The following SLIT3 variants were observed in gnomAD, a reference collection of about 807,000 sequenced individuals.
The protein encoded by SLIT3 is slit homolog 3 protein.
SLIT3 carries 68 observed loss-of-function variants against 184.0 expected under a neutral mutation model. The ratio of observed to expected loss-of-function variants is 0.37; its 90% CI spans 0.30 to 0.45. The LOEUF is 0.45. Among genes scored for constraint, SLIT3 ranks in the 20% least tolerant of loss-of-function variants. The pLI, the probability that SLIT3 is intolerant of heterozygous loss-of-function variation, is 1.00. For missense variants in SLIT3, 1,707 were observed against 2,026.0 expected (o/e 0.84, Z 3.02); for synonymous variants, 831 against 828.6 (o/e 1.00, Z -0.05).
chr5:169,183,046 G>A (rs960215767), intron 4 of SLIT3, among the ~76,000 whole-genome samples: 5 of 152,140 alleles, frequency 3.3e-5, no homozygotes, highest in Admixed American at 2.6e-4. Flanking sequence ...GAGCGAGGTG[G>A]CAAGAAGCCC....
At chr5:168,765,868 G>A (rs1350105196) in intron 14 of SLIT3, among the ~76,000 whole-genome samples, 1 of 152,046 alleles carries the variant, frequency 6.6e-6, no homozygotes, top group East Asian at 1.9e-4. Flanking sequence ...CTCCCCTTTC[G>A]CGGGCAGCTC....
intron 1 of SLIT3, among the ~76,000 whole-genome samples, chr5:169,283,452 T>C (rs1315248341): frequency 6.6e-6 from 1 of 152,200 alleles, no homozygotes; most frequent in East Asian, 1.9e-4. Flanking sequence ...AAGGATCCAA[T>C]TGACCTGACT....
chr5:168,852,214 G>A (rs1399029421), intron 5 of SLIT3, among the ~76,000 whole-genome samples: 2 of 152,320 alleles, frequency 1.3e-5, no homozygotes, highest in South Asian at 2.1e-4. Context: ...AGGAAGAAGC[G>A]AGAAACTGGG....
intron 4 of SLIT3, among the ~76,000 whole-genome samples, chr5:169,130,781 G>T (rs1761267959): frequency 6.6e-6 from 1 of 152,158 alleles, no homozygotes; most frequent in South Asian, 2.1e-4. Context: ...TCTAGTATAT[G>T]AATATGGAAT....
In SLIT3 at chr5:169,012,969, G is replaced by A. The variant is rs572128881; in HGVS notation, c.414-129633C>T. On this transcript the variant is annotated intron_variant, in intron 4 of 35. Coordinates refer to ENST00000519560, the MANE Select transcript of SLIT3 (RefSeq NM_003062.4). ...CTATCTGCTGTATGAAACACTGACC[G>A]AGTTAAGCAAAATAATGCAGGTTAG... 12 of 152,306 alleles carry A rather than the reference G, an allele frequency of 7.9e-5. No individual in the cohort carries two copies. In the South Asian group the frequency reaches 1.9e-3, roughly 24 times the overall value. 9.4% of individuals were successfully genotyped at this position (152,306 alleles called of 1,614,324 possible). A position where few individuals can be genotyped will look rare whatever the true frequency, so the allele number is the denominator to read the frequency against.
At chr5:168,893,282 T>C (rs1462982367) in intron 4 of SLIT3, among the ~76,000 whole-genome samples, 2 of 152,194 alleles carry the variant, frequency 1.3e-5, no homozygotes, top group Admixed American at 1.3e-4. Context: ...TTTGAAGCTG[T>C]GTGTCTGCCC....
intron 4 of SLIT3, among the ~76,000 whole-genome samples, chr5:169,183,767 G>A (rs1763244335): frequency 6.6e-6 from 1 of 152,166 alleles, no homozygotes; most frequent in Non-Finnish European, 1.5e-5. Context: ...CATTTTGTGG[G>A]ATGTTTCACA....
At chr5:168,694,364 T>C (rs568358666) in intron 28 of SLIT3, among the ~76,000 whole-genome samples, 202 of 152,328 alleles carry the variant, frequency 1.3e-3, no homozygotes, top group Non-Finnish European at 2.4e-3. Context: ...GACTCAACTC[T>C]ATACAGTGAT....
chr5:168,960,159 G>T (rs574211660), intron 4 of SLIT3, among the ~76,000 whole-genome samples: 17 of 152,298 alleles, frequency 1.1e-4, no homozygotes, highest in African/African-American at 4.1e-4. Context: ...CTGTAGGAGG[G>T]CAGGGGCCAT....
intron 4 of SLIT3, among the ~76,000 whole-genome samples, chr5:169,117,761 G>C (rs763254806): frequency 6.6e-6 from 1 of 152,174 alleles, no homozygotes; most frequent in Non-Finnish European, 1.5e-5. Flanking sequence ...TTCTCAAAAG[G>C]AGAACTCTGT....
intron 5 of SLIT3, among the ~76,000 whole-genome samples, chr5:168,851,271 A>C (rs1758667201): frequency 6.7e-6 from 1 of 149,854 alleles, no homozygotes; most frequent in Non-Finnish European, 1.5e-5. Context: ...TGCTGTGAGC[A>C]GAGATCGCAC....
chr5:168,952,550 A>AAAAAAAAAAAAAAAAAAAAAG (rs59047961), intron 4 of SLIT3, among the ~76,000 whole-genome samples: 2 of 128,004 alleles, frequency 1.6e-5, no homozygotes, highest in African/African-American at 7.0e-5. Flanking sequence ...AAAAAAAAAG[A>AAAAAAAAAAAAAAAAAAAAAG]GGGGAGAAGG....
At chr5:168,738,784 A>G (rs1763519891) in intron 20 of SLIT3, among the ~76,000 whole-genome samples, 1 of 152,006 alleles carries the variant, frequency 6.6e-6, no homozygotes, top group Admixed American at 6.6e-5. Context: ...TAAAAATACA[A>G]AAAATTAGCC....
chr5:169,219,214 C>G (rs1324610986), intron 3 of SLIT3, among the ~76,000 whole-genome samples: 1 of 152,116 alleles, frequency 6.6e-6, no homozygotes, highest in Admixed American at 6.5e-5. Flanking sequence ...GACGACTGTC[C>G]CACCTCCAGC....
chr5:169,274,726 T>C (rs1432241351), intron 1 of SLIT3, among the ~76,000 whole-genome samples: 1 of 152,216 alleles, frequency 6.6e-6, no homozygotes, highest in African/African-American at 2.4e-5. Flanking sequence ...ATCTTGACAC[T>C]GGCATCTTCC....
At chr5:169,061,654 C>T (rs896379358) in intron 4 of SLIT3, among the ~76,000 whole-genome samples, 1 of 152,202 alleles carries the variant, frequency 6.6e-6, no homozygotes, top group South Asian at 2.1e-4. Context: ...TCCAGGCTAG[C>T]TTTGTTTCTG....
At chr5:168,970,502 A>AT (rs1162307731) in intron 4 of SLIT3, among the ~76,000 whole-genome samples, 1 of 150,988 alleles carries the variant, frequency 6.6e-6, no homozygotes, top group Non-Finnish European at 1.5e-5. Flanking sequence ...TCTCAAATAA[A>AT]AAAAAAAAAA....
At chr5:168,670,175 A>G (rs574995452) in intron 34 of SLIT3, among the ~76,000 whole-genome samples, 184 bp from the exon 35 acceptor site, 2 of 152,366 alleles carry the variant, frequency 1.3e-5, no homozygotes, top group Admixed American at 6.5e-5. Context: ...AACCAGCCAG[A>G]AGCCTGCGAG....
intron 4 of SLIT3, among the ~76,000 whole-genome samples, chr5:169,125,084 T>C (rs1353784053): frequency 6.6e-6 from 1 of 152,200 alleles, no homozygotes; most frequent in Admixed American, 6.5e-5. Flanking sequence ...AGTTTCACTC[T>C]GTCGCCAGGC....
Sources: allele counts gnomAD v4.1 joint callset (sites outside exome capture counted in the v4.1 genomes callset), GRCh38; gene constraint gnomAD v4.1.1; transcripts MANE v1.5; gene names NCBI Gene and HGNC (gene_info 2026-07-23, HGNC 2026-07-21).